The following REEP5 variants were observed in gnomAD, a reference collection of about 807,000 sequenced individuals.
REEP5 encodes the protein receptor expression-enhancing protein 5.
In REEP5, 24 loss-of-function variants were observed where a neutral mutation model predicts 22.4. The observed-to-expected ratio is 1.07, with a 90% CI of 0.78 to 1.51. REEP5 has a LOEUF of 1.51. REEP5 is among the 40% of genes most tolerant of loss of function. The probability of loss-of-function intolerance (pLI) is 0.00; values close to 1 mark genes in which losing one functional copy is unlikely to be tolerated. For synonymous variants in REEP5, 103 were observed against 88.6 expected, an observed-to-expected ratio of 1.16 and a Z score of -0.92; for missense variants, 252 against 233.0, an observed-to-expected ratio of 1.08 and a Z score of -0.53.
Position 112,878,308 on chromosome 5 carries a change from C to A in REEP5, c.*478G>T. The A allele has an allele frequency of 6.4e-6, 1 of 156,168 alleles. No homozygotes were observed. Among genetic ancestry groups the A allele is most frequent in the Non-Finnish European group, 1.4e-5 (1 of 70,176 alleles). The allele number at this position is 156,168 out of a possible 1,614,324, so 9.7% of individuals were successfully genotyped here. Reference sequence around the variant, plus strand: ...CTGCTCCCTCCCCATGAGCATGATGCATGTTGTAGTCAGACAGTAACATTT... The same window carrying A: ...CTGCTCCCTCCCCATGAGCATGATGAATGTTGTAGTCAGACAGTAACATTT... On this transcript the variant is annotated 3_prime_UTR_variant, in exon 5 of 5. Transcript: ENST00000379638.
intron 3 of REEP5, chr5:112,891,743 A>C: frequency 6.2e-7 from 1 of 1,614,178 alleles, no homozygotes; most frequent in Non-Finnish European, 8.5e-7. Flanking sequence ...AAACGAAAGA[A>C]ACGTCGGCAG....
rs1580759517 is a variant in REEP5, at chr5:112,921,237, G to A, written c.138C>T (p.Ala46=). Residue 46 remains alanine (A), a synonymous_variant, in exon 2 of 5, where the codon GCC becomes GCT. Coordinates refer to ENST00000379638, the MANE Select transcript of REEP5 (RefSeq NM_005669.5). ...CTCCATAACCGAACACCAGGTACAAGGCCACCAGTCCGATGACACCTGGGG... is the reference window on the plus strand; with the variant it reads ...CTCCATAACCGAACACCAGGTACAAAGCCACCAGTCCGATGACACCTGGGG... ...FIALGVIGLV[A]LYLVFGYGAS... 3 of 1,614,152 alleles carry A rather than the reference G, an allele frequency of 1.9e-6. No homozygotes were observed. The highest frequency in any genetic ancestry group is 2.5e-6 in the Non-Finnish European group (3 of 1,180,022).
Position 112,910,621 on chromosome 5 carries a change from C to G in REEP5, c.213-8103G>C, listed in dbSNP as rs562830683. On this transcript the variant is annotated intron_variant, in intron 2 of 4. Transcript: ENST00000379638. ...GATACCATATATATGCTAATAACTT[C>G]CAAATTTATATCTGCAGCTCAATCT... Among the ~76,000 whole-genome samples, 89 of 152,264 alleles carry G rather than the reference C, an allele frequency of 5.8e-4. 1 individual carries two copies. The highest frequency in any genetic ancestry group is 4.9e-3 in the Admixed American group (75 of 15,288).
chr5:112,887,404 G>C (rs1333412529), intron 3 of REEP5, among the ~76,000 whole-genome samples: 1 of 152,124 alleles, frequency 6.6e-6, no homozygotes, highest in African/African-American at 2.4e-5. Flanking sequence ...AAAAACAAAA[G>C]GTAAAACACA....
At chr5:112,879,470 T>C (rs1027467751) in intron 4 of REEP5, among the ~76,000 whole-genome samples, 2 of 152,130 alleles carry the variant, frequency 1.3e-5, no homozygotes, top group Non-Finnish European at 2.9e-5. Flanking sequence ...ATATACTTTA[T>C]TTATTTACTT....
intron 3 of REEP5, 68 bp from the exon 4 acceptor site, chr5:112,887,251 G>A: frequency 1.5e-6 from 2 of 1,365,372 alleles, no homozygotes; most frequent in South Asian, 1.8e-5. Flanking sequence ...AATACACACT[G>A]TCTTTCACTA....
chr5:112,889,829 A>AT (rs35932072), intron 3 of REEP5, among the ~76,000 whole-genome samples: 57,591 of 139,256 alleles, frequency 0.41, 13,972 homozygotes, highest in African/African-American at 0.66. Context: ...GAAAAAAAAA[A>AT]TTTTTTTTTT....
Position 112,878,482 on chromosome 5 carries a change from G to T in REEP5, c.*304C>A. The stretch of plus-strand genomic sequence containing the variant: ...AGCCCAGTAAAGTACACAGCCTGTG[G>T]GGTATATAATTTTATTTTAAGTTTA... On this transcript the variant is annotated 3_prime_UTR_variant, in exon 5 of 5. Transcript: ENST00000379638. 5.5e-6 allele frequency: 2 copies of T among 361,246 alleles called. No individual in the cohort carries two copies. Among genetic ancestry groups the T allele is most frequent in the Non-Finnish European group, 5.0e-6 (1 of 201,000 alleles). 22.4% of individuals were successfully genotyped at this position (361,246 alleles called of 1,614,324 possible). A position where few individuals can be genotyped will look rare whatever the true frequency, so the allele number is the denominator to read the frequency against.
chr5:112,885,421 G>T, intron 4 of REEP5: 2 of 191,670 alleles, frequency 1.0e-5, no homozygotes, highest in South Asian at 2.1e-4. Flanking sequence ...ACAGCACTTG[G>T]GGATGGATGC....
In REEP5 at chr5:112,891,663, G is replaced by A. The variant is rs559459724; in HGVS notation, c.352-4480C>T. ...AGATGGCTGCACTTGAGAAGATGAC[G>A]TTTCCCAAGAAGATGACATTTCCAG... On this transcript the variant is annotated intron_variant, in intron 3 of 4. Coordinates refer to ENST00000379638, the MANE Select transcript of REEP5 (RefSeq NM_005669.5). 1.4e-4 allele frequency: 226 copies of A among 1,612,220 alleles called. 1 individual carries two copies. The highest frequency in any genetic ancestry group is 7.2e-4 in the Admixed American group (43 of 59,544).
chr5:112,901,836 G>A (rs539901335), intron 3 of REEP5, among the ~76,000 whole-genome samples: 34 of 151,942 alleles, frequency 2.2e-4, no homozygotes, highest in Non-Finnish European at 4.1e-4. Flanking sequence ...GGTGGTGGGC[G>A]CCTGTAATCC....
chr5:112,909,391 AAG>A (rs573539104), intron 2 of REEP5, among the ~76,000 whole-genome samples: 173 of 151,872 alleles, frequency 1.1e-3, no homozygotes, highest in African/African-American at 3.8e-3. Flanking sequence ...TTAAGAAGAA[AAG>A]AGAGAGATAA....
At chr5:112,882,031 G>A (rs1217675386) in intron 4 of REEP5, 1 of 152,718 alleles carries the variant, frequency 6.5e-6, no homozygotes, top group Non-Finnish European at 1.5e-5. Context: ...CTTGACCTCT[G>A]GAAGTGCTGT....
chr5:112,890,338 G>A (rs893174619), intron 3 of REEP5, among the ~76,000 whole-genome samples: 17 of 145,888 alleles, frequency 1.2e-4, no homozygotes, highest in Non-Finnish European at 2.1e-4. Context: ...AAATTAGTAA[G>A]AATACAGAAT....
chr5:112,921,979 C>A (rs1221524664), intron 1 of REEP5, 94 bp downstream of exon 1: 1 of 1,441,394 alleles, frequency 6.9e-7, no homozygotes, highest in East Asian at 2.7e-5. Context: ...CCGACTCCAC[C>A]TTTCCCGAGT....
intron 3 of REEP5, chr5:112,892,004 A>C: frequency 7.9e-7 from 1 of 1,273,732 alleles, no homozygotes; most frequent in Non-Finnish European, 1.2e-6. Flanking sequence ...CAGCAGAGGA[A>C]AGAGAGAGAA....
chr5:112,881,974 GT>G (rs1768091337), intron 4 of REEP5: 1 of 149,028 alleles, frequency 6.7e-6, no homozygotes, highest in South Asian at 2.1e-4. Context: ...GTTTCACCAT[GT>G]TACTCAGGCT....
chr5:112,905,810 C>T lies in REEP5; in HGVS notation c.213-3292G>A, dbSNP rs55948553. ...TAACTTCTGTACTTTTTTATAAAGACGGGGTTTTGCCTTGTTCCCCAGGCT... is the reference window on the plus strand; with the variant it reads ...TAACTTCTGTACTTTTTTATAAAGATGGGGTTTTGCCTTGTTCCCCAGGCT... On this transcript the variant is annotated intron_variant, in intron 2 of 4. Coordinates refer to ENST00000379638, the MANE Select transcript of REEP5 (RefSeq NM_005669.5). Among the ~76,000 whole-genome samples, 1,141 of 151,972 alleles carry T rather than the reference C, an allele frequency of 7.5e-3. 12 individuals are homozygous for T. The highest frequency in any genetic ancestry group is 0.026 in the African/African-American group (1,069 of 41,442).
chr5:112,886,918 G>C (rs1330050337), intron 4 of REEP5, 97 bp downstream of exon 4: 1 of 837,298 alleles, frequency 1.2e-6, no homozygotes, highest in Non-Finnish European at 1.9e-6. Flanking sequence ...TTGGCTGAGG[G>C]GTGGTGATAA....
Sources: gnomAD v4.1 joint callset for allele counts (sites outside exome capture counted in the v4.1 genomes callset) on GRCh38, gnomAD v4.1.1 for gene constraint, MANE v1.5 for transcripts, NCBI Gene and HGNC (gene_info 2026-07-23, HGNC 2026-07-21) for gene names.